Variants in PDE1C observed in about 807,000 individuals in gnomAD.
PDE1C encodes the protein dual specificity calcium/calmodulin-dependent 3',5'-cyclic nucleotide phosphodiesterase 1C.
Under a neutral mutation model 93.1 loss-of-function variants are expected in PDE1C, and 62 were observed. The observed-to-expected ratio is 0.67, with a 90% CI of 0.54 to 0.82. PDE1C has a LOEUF of 0.82. Ranked by LOEUF, PDE1C falls within the 40% of genes least tolerant of loss-of-function variation. The pLI is 0.00. For synonymous variants in PDE1C, 325 were observed against 310.1 expected (o/e 1.05, Z -0.50); for missense variants, 742 against 884.6 (o/e 0.84, Z 2.04).
In PDE1C at chr7:31,976,672, A is replaced by G. The variant is rs75359113; in HGVS notation, c.128+74882T>C. ...CTGGTCTACACCACTAGTCTCTCAT[A>G]TGGACAATTCCAGCAGCTTTATACC... On this transcript the variant is annotated intron_variant, in intron 2 of 17. Transcript: ENST00000396191. 8.4e-3 allele frequency among the ~76,000 whole-genome samples: 1,286 copies of G among 152,308 alleles called. 20 individuals carry two copies. Among genetic ancestry groups the G allele is most frequent in the African/African-American group, 0.03 (1,233 of 41,576 alleles).
intron 3 of PDE1C, among the ~76,000 whole-genome samples, chr7:32,087,310 C>T (rs1797156800): frequency 6.6e-6 from 1 of 151,766 alleles, no homozygotes; most frequent in Non-Finnish European, 1.5e-5. Flanking sequence ...GATACCATCT[C>T]ACACCAGTTA....
chr7:31,755,495 A>G (rs1230235936), intron 17 of PDE1C, among the ~76,000 whole-genome samples: 2 of 152,114 alleles, frequency 1.3e-5, no homozygotes, highest in African/African-American at 4.8e-5. Flanking sequence ...TGCAGAAATG[A>G]CTGATTCCAG....
At position 31,850,634 on chromosome 7, in the gene PDE1C, C is replaced by T. The variant is rs573986428; in HGVS notation, c.851+7G>A. The T allele has an allele frequency of 1.9e-6, 3 of 1,594,672 alleles. No homozygotes were observed. Among genetic ancestry groups the T allele is most frequent in the Non-Finnish European group, 2.6e-6 (3 of 1,162,452 alleles). ...TGCCTCTCTTCCAAACATTTAAACA[C>T]CCTCACCGAGTCTGAATGTGGAAAT... On this transcript the variant is annotated splice_region_variant and intron_variant, in intron 8 of 17. Transcript: ENST00000396191.
At chr7:32,079,061 C>T (rs908418116) in intron 3 of PDE1C, among the ~76,000 whole-genome samples, 2 of 152,138 alleles carry the variant, frequency 1.3e-5, no homozygotes, top group Admixed American at 1.3e-4. Context: ...ACAGGATTTT[C>T]GAAGGTTGTT....
In PDE1C at chr7:31,891,749, T is replaced by A. The variant is rs538583391; in HGVS notation, c.129-10889A>T. On this transcript the variant is annotated intron_variant, in intron 2 of 17. Transcript: ENST00000396191. ...GAACTATTCTATACCTTGACTGTGG[T>A]GGTGGTTGTACAAACCTACACTTGC... Among the ~76,000 whole-genome samples the A allele has an allele frequency of 4.6e-5, 7 of 151,818 alleles. No individual in the cohort carries two copies. The South Asian group carries it at 1.5e-3, about 32-fold the overall frequency.
the PDE1C span, among the ~76,000 whole-genome samples, chr7:31,636,997 A>C: frequency 6.7e-6 from 1 of 149,164 alleles, no homozygotes; most frequent in Admixed American, 6.8e-5. Flanking sequence ...TTGGTTTTTC[A>C]TCCTTGCGAT....
In PDE1C at chr7:31,988,995, C is replaced by CAAA. The variant is rs36081234; in HGVS notation, c.128+62556_128+62558dup. ...GGGCAACAAGAGTGAAACTTCTTCT[C>CAAA]AAAAAAAAAAAAAAAAAAAAAAAGA... is the stretch of plus-strand genomic sequence containing the variant. On this transcript the variant is annotated intron_variant, in intron 2 of 17. Coordinates refer to ENST00000396191, the MANE Select transcript of PDE1C (RefSeq NM_001191057.4). 4.6e-3 allele frequency among the ~76,000 whole-genome samples: 155 copies of CAAA among 33,648 alleles called. 1 individual carries two copies. Among genetic ancestry groups the CAAA allele is most frequent in the Middle Eastern group, 0.019 (1 of 52 alleles). 22.1% of individuals were successfully genotyped at this position (33,648 alleles called of 152,430 possible). A position where few individuals can be genotyped will look rare whatever the true frequency, so the allele number is the denominator to read the frequency against.
chr7:32,250,677 G>T (rs1455997240), intron 1 of PDE1C, among the ~76,000 whole-genome samples: 1 of 152,198 alleles, frequency 6.6e-6, no homozygotes, highest in Non-Finnish European at 1.5e-5. Flanking sequence ...CAGCTCAGAA[G>T]CAACAGCGCA....
chr7:32,418,669 A>AT (rs1785325621), intron 1 of PDE1C, among the ~76,000 whole-genome samples: 2 of 152,276 alleles, frequency 1.3e-5, no homozygotes, highest in Middle Eastern at 3.4e-3. Flanking sequence ...TATTTGTAAC[A>AT]TTTTTTGTCT....
At chr7:31,736,220 C>A in the PDE1C span, among the ~76,000 whole-genome samples, 8 of 152,172 alleles carry the variant, frequency 5.3e-5, no homozygotes, top group South Asian at 2.1e-4. Flanking sequence ...AGCAGGTACT[C>A]CCTGGAAATG....
At chr7:32,293,759 A>G (rs532893888) in intron 1 of PDE1C, among the ~76,000 whole-genome samples, 1 of 152,284 alleles carries the variant, frequency 6.6e-6, no homozygotes, top group Non-Finnish European at 1.5e-5. Flanking sequence ...AAGTAGGTCC[A>G]TGAGCACTGG....
chr7:32,285,064 A>T (rs1811914863), intron 1 of PDE1C, among the ~76,000 whole-genome samples: 1 of 152,072 alleles, frequency 6.6e-6, no homozygotes, highest in Non-Finnish European at 1.5e-5. Context: ...AAAAAGAAAA[A>T]AATGCACTTG....
intron 17 of PDE1C, among the ~76,000 whole-genome samples, chr7:31,764,535 G>A (rs7800589): frequency 2.0e-5 from 3 of 152,126 alleles, no homozygotes; most frequent in Admixed American, 6.5e-5. Context: ...CAACCAAGAC[G>A]GAAGGAGTTC....
At chr7:32,188,628 T>A (rs529503857) in intron 2 of PDE1C, among the ~76,000 whole-genome samples, 1 of 152,300 alleles carries the variant, frequency 6.6e-6, no homozygotes, top group Admixed American at 6.5e-5. Flanking sequence ...GGGCTACATC[T>A]TCTCATTTCT....
chr7:32,387,056 G>T (rs1279494158), intron 1 of PDE1C, among the ~76,000 whole-genome samples: 1 of 151,242 alleles, frequency 6.6e-6, no homozygotes, highest in Non-Finnish European at 1.5e-5. Flanking sequence ...GGGTACTTAA[G>T]ATTAGGGAGT....
intron 3 of PDE1C, among the ~76,000 whole-genome samples, chr7:32,087,609 C>A (rs867275786): frequency 5.9e-5 from 9 of 152,156 alleles, no homozygotes; most frequent in African/African-American, 1.9e-4. Context: ...CCCAAATGTC[C>A]AACCATGGTA....
chr7:32,230,344 G>A (rs1482834953), intron 1 of PDE1C, among the ~76,000 whole-genome samples: 6 of 152,196 alleles, frequency 3.9e-5, no homozygotes, highest in Admixed American at 3.9e-4. Flanking sequence ...CTTGGAAGAT[G>A]CCAATTAAAA....
intron 2 of PDE1C, among the ~76,000 whole-genome samples, chr7:31,911,729 A>G (rs1277467189): frequency 2.0e-5 from 3 of 152,178 alleles, no homozygotes; most frequent in Admixed American, 6.5e-5. Flanking sequence ...AGATGCTTTC[A>G]TTATGTCCAT....
chr7:32,419,517 A>G (rs1785345038), intron 1 of PDE1C, among the ~76,000 whole-genome samples: 1 of 152,178 alleles, frequency 6.6e-6, no homozygotes, highest in South Asian at 2.1e-4. Context: ...AAATCCAGTC[A>G]TCTGAGAATA....
Sources: gnomAD v4.1 joint callset for allele counts (sites outside exome capture counted in the v4.1 genomes callset) on GRCh38, gnomAD v4.1.1 for gene constraint, MANE v1.5 for transcripts, NCBI Gene and HGNC (gene_info 2026-07-23, HGNC 2026-07-21) for gene names.